SYT7: variants seen among roughly 807,000 people sequenced by gnomAD.
The protein encoded by SYT7 is synaptotagmin-7.
A neutral mutation model predicts 75.1 loss-of-function variants in SYT7; 29 were observed. The ratio of observed to expected loss-of-function variants is 0.39; its 90% CI spans 0.29 to 0.53. SYT7 has a LOEUF of 0.53. Ranked by LOEUF, SYT7 falls within the 20% of genes least tolerant of loss-of-function variation. The pLI is 0.77. For synonymous variants in SYT7, 376 were observed against 401.7 expected, an observed-to-expected ratio of 0.94 and a Z score of 0.76; for missense variants, 693 against 953.2, an observed-to-expected ratio of 0.73 and a Z score of 3.59.
rs1590826369 is a variant in SYT7, at chr11:61,524,371, C to T, written c.1633G>A (p.Asp545Asn). 4.3e-6 allele frequency: 7 copies of T among 1,614,080 alleles called. No individual in the cohort carries two copies. Among genetic ancestry groups the T allele is most frequent in the Non-Finnish European group, 5.9e-6 (7 of 1,179,974 alleles). The change falls in exon 10 of 13, where the codon GAT (aspartate) becomes AAT (asparagine). Residue 545 changes from aspartate (D) to asparagine (N), a missense_variant. Around this residue, in one of 2 missense-constraint regions of SYT7, gnomAD observed 206 missense variants for 360.0 expected, o/e 0.57. Coordinates refer to ENST00000539008, the MANE Select transcript of SYT7 (RefSeq NM_001365809.2). This position sits in a 1 kb window ranked among gnomAD's most constrained non-coding sequence, Gnocchi z 4.1. ...TFWKDLKPCS[D>N]GSGSRGELLL... ...CACCCATGGGGCCTTACACTCCCAT[C>T]GCTGCATGGCTTCAGATCCTTCCAG...
intron 9 of SYT7, 80 bp downstream of exon 9, chr11:61,527,835 G>A (rs1033685565): frequency 1.6e-5 from 24 of 1,540,284 alleles, no homozygotes; most frequent in Non-Finnish European, 1.9e-5. Flanking sequence ...GTCTGTGCAT[G>A]TGGCCACAAG....
chr11:61,558,515 C>A (rs1040604810), intron 1 of SYT7, among the ~76,000 whole-genome samples: 1 of 149,912 alleles, frequency 6.7e-6, no homozygotes, highest in Admixed American at 6.6e-5. Context: ...TACACACACA[C>A]ACACACACAC....
chr11:61,518,613 T>C lies in SYT7; in HGVS notation c.*14A>G. 6.6e-7 allele frequency: 1 copy of C among 1,524,784 alleles called. No individual in the cohort carries two copies. Among genetic ancestry groups the C allele is most frequent in the East Asian group, 2.5e-5 (1 of 40,152 alleles). 94.5% of individuals were successfully genotyped at this position (1,524,784 alleles called of 1,614,324 possible). ...ACCTGGGCCCTCGGCCCCCTGGGCC[T>C]CCCTTGGCCCCACTCAGGCCTTCAG... is the stretch of plus-strand genomic sequence containing the variant. On this transcript the variant is annotated 3_prime_UTR_variant, in exon 13 of 13. Transcript: ENST00000539008.
chr11:61,571,594 A>T (rs906772279), intron 1 of SYT7, among the ~76,000 whole-genome samples: 1 of 152,084 alleles, frequency 6.6e-6, no homozygotes, highest in African/African-American at 2.4e-5. Context: ...CGGCACCCCC[A>T]TCCACACTGC....
At chr11:61,534,435 G>A (rs1012311484) in intron 7 of SYT7, among the ~76,000 whole-genome samples, 8 of 6,688 alleles carry the variant, frequency 1.2e-3, no homozygotes, top group African/African-American at 1.5e-3. Context: ...ATACACACAC[G>A]CACACGCACG....
At chr11:61,565,935 C>T (rs942075954) in intron 1 of SYT7, among the ~76,000 whole-genome samples, 14 of 152,366 alleles carry the variant, frequency 9.2e-5, no homozygotes, top group Admixed American at 1.3e-4. Flanking sequence ...TAGATGCAGA[C>T]GGTTTAGAAT....
At chr11:61,581,163 C>T (rs890396802), upstream of SYT7, 4 of 151,890 alleles carry the variant, frequency 2.6e-5, no homozygotes, top group African/African-American at 7.3e-5. Context: ...CCGCCGGCGC[C>T]GCCCGCCAGC....
upstream of SYT7, among the ~76,000 whole-genome samples, chr11:61,584,813 C>T (rs1301208991): frequency 6.6e-6 from 1 of 152,214 alleles, no homozygotes; most frequent in Non-Finnish European, 1.5e-5. Flanking sequence ...CTGCCCTGCC[C>T]TTGGGTCTTG....
intron 7 of SYT7, among the ~76,000 whole-genome samples, chr11:61,534,461 GT>G (rs1201644614): frequency 4.0e-5 from 6 of 150,428 alleles, no homozygotes; most frequent in Non-Finnish European, 7.4e-5. Context: ...ACGCACGTGC[GT>G]GCATATGTAC....
intron 12 of SYT7, 101 bp from the exon 13 acceptor site, chr11:61,518,832 T>G: frequency 3.8e-6 from 3 of 790,572 alleles, no homozygotes; most frequent in Non-Finnish European, 5.6e-6. Flanking sequence ...TACCCTAGCC[T>G]GTGGCCCCCC....
chr11:61,538,392 A>T, intron 6 of SYT7, 126 bp from the exon 7 acceptor site: 1 of 873,816 alleles, frequency 1.1e-6, no homozygotes, highest in Non-Finnish European at 1.7e-6. Context: ...AGAGAGAAAG[A>T]GAGAGAGAGA....
intron 9 of SYT7, among the ~76,000 whole-genome samples, chr11:61,527,701 G>C (rs1194715888): frequency 6.6e-6 from 1 of 152,244 alleles, no homozygotes; most frequent in Admixed American, 6.5e-5. Flanking sequence ...TTGCCTGTGT[G>C]GGCGTGTGCG....
In SYT7 at chr11:61,517,151, C is replaced by A. The variant is rs1295827144; in HGVS notation, c.*1476G>T. 5.0e-6 allele frequency: 2 copies of A among 397,668 alleles called. No individual in the cohort carries two copies. Among genetic ancestry groups the A allele is most frequent in the Non-Finnish European group, 8.9e-6 (2 of 225,862 alleles). The allele number at this position is 397,668 out of a possible 1,614,324, so 24.6% of individuals were successfully genotyped here. The stretch of plus-strand genomic sequence containing the variant: ...TGTCAGGCCCAGGCTCGTGGACCCC[C>A]AGGATTGGAGGCTTTGTCACCAGCT... On this transcript the variant is annotated 3_prime_UTR_variant, in exon 13 of 13. Coordinates refer to ENST00000539008, the MANE Select transcript of SYT7 (RefSeq NM_001365809.2).
chr11:61,562,064 ACACG>A (rs1054830256), intron 1 of SYT7, among the ~76,000 whole-genome samples: 23 of 148,744 alleles, frequency 1.5e-4, no homozygotes, highest in East Asian at 7.7e-4. Flanking sequence ...ACACACACAC[ACACG>A]CACGCACGTA....
In SYT7 at chr11:61,576,275, ACTGGCAGAATTCAC is replaced by A. The variant is rs2064075579; in HGVS notation, c.31+4501_31+4514del. On this transcript the variant is annotated intron_variant, in intron 1 of 12. Transcript: ENST00000539008. The surrounding 1 kb of genome is among the most constrained non-coding windows in gnomAD (Gnocchi z 4.1). ...GGTCAGGGACCTCCATGCCCACGGA[ACTGGCAGAATTCAC>A]CTGGCATCACCAGCTGGGGTTCCCT... 1.3e-5 allele frequency among the ~76,000 whole-genome samples: 2 copies of A among 152,190 alleles called. No individual in the cohort carries two copies. Among genetic ancestry groups the A allele is most frequent in the South Asian group, 4.1e-4 (2 of 4,832 alleles).
upstream of SYT7, among the ~76,000 whole-genome samples, chr11:61,584,790 C>T (rs569457451): frequency 3.4e-4 from 52 of 152,346 alleles, no homozygotes; most frequent in African/African-American, 1.2e-3. Flanking sequence ...AGATCAGAGG[C>T]TGTGAATCAC....
chr11:61,554,611 A>G (rs2063442648), intron 2 of SYT7, among the ~76,000 whole-genome samples: 1 of 152,154 alleles, frequency 6.6e-6, no homozygotes, highest in African/African-American at 2.4e-5. Flanking sequence ...AAGACAGCCT[A>G]AGGGGCCCTG....
At chr11:61,563,487 TTATCTCC>T (rs1345262722) in intron 1 of SYT7, among the ~76,000 whole-genome samples, 1 of 152,204 alleles carries the variant, frequency 6.6e-6, no homozygotes, top group Non-Finnish European at 1.5e-5. Flanking sequence ...CGGACCATTA[TTATCTCC>T]ATTTCACAGG....
rs540375688 is a variant in SYT7, at chr11:61,550,032, C to T, written c.215+1352G>A. On this transcript the variant is annotated intron_variant, in intron 3 of 12. Coordinates refer to ENST00000539008, the MANE Select transcript of SYT7 (RefSeq NM_001365809.2). ...AGGTGCTGGGCTGGCCACGCTCCCC[C>T]ACGTGCTCCCTCGCCTTCAGAAAGC... 3.9e-5 allele frequency among the ~76,000 whole-genome samples: 6 copies of T among 152,338 alleles called. No homozygotes were observed. The East Asian group carries it at 7.7e-4, about 20-fold the overall frequency.
Sources: gnomAD v4.1 joint callset for allele counts (sites outside exome capture counted in the v4.1 genomes callset) on GRCh38, gnomAD v4.1.1 for gene constraint, gnomAD v4.1.1 regional missense constraint, Gnocchi (gnomAD v3.1) non-coding constraint, MANE v1.5 for transcripts, NCBI Gene and HGNC (gene_info 2026-07-23, HGNC 2026-07-21) for gene names.